Variants in SFXN5 observed in about 807,000 individuals in gnomAD.
SFXN5 encodes the protein sideroflexin-5.
SFXN5 carries 43 observed loss-of-function variants against 50.2 expected under a neutral mutation model. That is an observed-to-expected ratio of 0.86 (90% CI 0.67 to 1.11). The LOEUF is 1.11. Ranked by LOEUF, SFXN5 falls within the 50% of genes least tolerant of loss-of-function variation. SFXN5 has a pLI of 0.00. For missense variants in SFXN5, 463 were observed against 454.1 expected, an observed-to-expected ratio of 1.02 and a Z score of -0.18; for synonymous variants, 203 against 185.8, an observed-to-expected ratio of 1.09 and a Z score of -0.75.
intron 1 of SFXN5, among the ~76,000 whole-genome samples, chr2:73,063,913 C>T (rs1012775244): frequency 6.6e-6 from 1 of 152,194 alleles, no homozygotes; most frequent in African/African-American, 2.4e-5. Context: ...AGCCTCCCTC[C>T]CAAATTCAGC....
chr2:73,059,405 C>A, intron 1 of SFXN5: 1 of 985,400 alleles, frequency 1.0e-6, no homozygotes, highest in African/African-American at 1.7e-5. Flanking sequence ...GCCCCAAATT[C>A]CTCCCTGGAG....
At chr2:73,066,305 C>T (rs1256779751) in intron 1 of SFXN5, among the ~76,000 whole-genome samples, 2 of 152,096 alleles carry the variant, frequency 1.3e-5, no homozygotes, top group South Asian at 2.1e-4. Flanking sequence ...CGCCTGTAAC[C>T]CCAGCACTTT....
intron 3 of SFXN5, among the ~76,000 whole-genome samples, chr2:73,023,881 C>G (rs1272896375): frequency 6.6e-6 from 1 of 152,196 alleles, no homozygotes; most frequent in African/African-American, 2.4e-5. Flanking sequence ...CTGTCTCTTT[C>G]CAGCACAGAG....
Position 72,961,274 on chromosome 2 carries a change from C to T in SFXN5, c.828-26G>A. Reference sequence around the variant, plus strand: ...CTGTGAGGGAGAGAGGAGGGAGCCCCATGAGACCCGAAGGTGGGGTGGGCT... The same window carrying T: ...CTGTGAGGGAGAGAGGAGGGAGCCCTATGAGACCCGAAGGTGGGGTGGGCT... On this transcript the variant is annotated intron_variant, in intron 12 of 13. Transcript: ENST00000272433. This position sits in a 1 kb window ranked among gnomAD's most constrained non-coding sequence, Gnocchi z 4.4. The T allele has an allele frequency of 6.8e-7, 1 of 1,470,126 alleles. No homozygotes were observed. Among genetic ancestry groups the T allele is most frequent in the Non-Finnish European group, 9.0e-7 (1 of 1,112,304 alleles). 91.1% of individuals were successfully genotyped at this position (1,470,126 alleles called of 1,614,324 possible).
intron 6 of SFXN5, among the ~76,000 whole-genome samples, chr2:73,007,393 C>T (rs927955231): frequency 6.6e-6 from 1 of 151,936 alleles, no homozygotes; most frequent in African/African-American, 2.4e-5. Context: ...CACCCTTCAC[C>T]CCATTTCTGC....
chr2:73,041,994 C>T (rs1679707533), intron 2 of SFXN5, among the ~76,000 whole-genome samples: 1 of 152,110 alleles, frequency 6.6e-6, no homozygotes, highest in African/African-American at 2.4e-5. Flanking sequence ...AGCCACGGTG[C>T]CCGGCCAGGA....
At position 73,071,417 on chromosome 2, in the gene SFXN5, G is replaced by A. The variant is rs971077005; in HGVS notation, c.102+187C>T. ...AAGGGCCAATAGGAAGCCAAGATGG[G>A]AGTCCGCGCCCGCCCCGTTGACCAA... On this transcript the variant is annotated intron_variant, in intron 1 of 13. Transcript: ENST00000272433. 31 of 587,584 alleles carry A rather than the reference G, an allele frequency of 5.3e-5. No homozygotes were observed. In the Middle Eastern group the frequency reaches 1.4e-3, roughly 26 times the overall value. The allele number at this position is 587,584 out of a possible 1,614,324, so 36.4% of individuals were successfully genotyped here. A position where few individuals can be genotyped will look rare whatever the true frequency, so the allele number is the denominator to read the frequency against.
At chr2:72,995,650 C>T (rs879564623) in intron 9 of SFXN5, among the ~76,000 whole-genome samples, 6 of 152,158 alleles carry the variant, frequency 3.9e-5, no homozygotes, top group Admixed American at 3.9e-4. Context: ...CAGAGCTGGG[C>T]CAACCACTGG....
At chr2:73,047,495 T>TA (rs1200358437) in intron 2 of SFXN5, among the ~76,000 whole-genome samples, 1 of 151,002 alleles carries the variant, frequency 6.6e-6, no homozygotes, top group Non-Finnish European at 1.5e-5. Flanking sequence ...CCCTAAATTA[T>TA]AATAATCCCC....
At chr2:73,053,037 C>T (rs578091521) in intron 2 of SFXN5, among the ~76,000 whole-genome samples, 140 of 152,264 alleles carry the variant, frequency 9.2e-4, no homozygotes, top group Middle Eastern at 3.4e-3. Flanking sequence ...ATTATCCGAG[C>T]ATGGTGGCAT....
At chr2:72,991,350 G>C (rs1672579864) in intron 9 of SFXN5, among the ~76,000 whole-genome samples, 2 of 152,260 alleles carry the variant, frequency 1.3e-5, no homozygotes, top group African/African-American at 4.8e-5. Context: ...ATATAGTGCG[G>C]CACACATATG....
intron 7 of SFXN5, among the ~76,000 whole-genome samples, chr2:73,001,151 G>T (rs939413782): frequency 6.6e-6 from 1 of 152,244 alleles, no homozygotes; most frequent in Non-Finnish European, 1.5e-5. Flanking sequence ...CAGCAGATGT[G>T]GGGGAGGCTG....
At chr2:73,046,549 A>G (rs770979569) in intron 2 of SFXN5, among the ~76,000 whole-genome samples, 1 of 152,146 alleles carries the variant, frequency 6.6e-6, no homozygotes. Flanking sequence ...AATAATAAAG[A>G]CTTGGTGTAG....
chr2:72,989,828 G>C (rs1467926899), intron 9 of SFXN5, among the ~76,000 whole-genome samples: 1 of 152,230 alleles, frequency 6.6e-6, no homozygotes, highest in Non-Finnish European at 1.5e-5. Flanking sequence ...TCCCCAGACA[G>C]AGGCCAAAGC....
At chr2:73,038,768 T>A (rs1679262555) in intron 3 of SFXN5, among the ~76,000 whole-genome samples, 1 of 152,232 alleles carries the variant, frequency 6.6e-6, no homozygotes. Context: ...TTTTTCTTTA[T>A]ATCCTTATTC....
intron 12 of SFXN5, 50 bp downstream of exon 12, chr2:72,968,398 T>C: frequency 6.1e-6 from 8 of 1,318,888 alleles, no homozygotes; most frequent in South Asian, 1.2e-5. Context: ...CCCCTCCCTC[T>C]CCCCCTCCTC....
chr2:72,949,320 CCT>C (rs932167835), intron 13 of SFXN5, among the ~76,000 whole-genome samples: 3 of 151,968 alleles, frequency 2.0e-5, no homozygotes, highest in African/African-American at 7.3e-5. Flanking sequence ...CATAACCCAG[CCT>C]CTGTTTTTAT....
At chr2:72,980,279 T>C (rs1413415400) in intron 10 of SFXN5, among the ~76,000 whole-genome samples, 2 of 152,196 alleles carry the variant, frequency 1.3e-5, no homozygotes, top group Non-Finnish European at 2.9e-5. Flanking sequence ...GCAACCACTA[T>C]AGCCAGGTTC....
chr2:73,034,330 T>C (rs1678688536), intron 3 of SFXN5, among the ~76,000 whole-genome samples: 1 of 152,242 alleles, frequency 6.6e-6, no homozygotes, highest in Non-Finnish European at 1.5e-5. Flanking sequence ...AAGCCTTCCC[T>C]TCGGCATCTG....
Sources: gnomAD v4.1 joint callset for allele counts (sites outside exome capture counted in the v4.1 genomes callset) on GRCh38, gnomAD v4.1.1 for gene constraint, Gnocchi (gnomAD v3.1) non-coding constraint, MANE v1.5 for transcripts, NCBI Gene and HGNC (gene_info 2026-07-23, HGNC 2026-07-21) for gene names.